PPM1E: variants seen among roughly 807,000 people sequenced by gnomAD.
PPM1E encodes protein phosphatase 1E.
Under a neutral mutation model 65.9 loss-of-function variants are expected in PPM1E, and 20 were observed. That is an observed-to-expected ratio of 0.30 (90% CI 0.21 to 0.44). The LOEUF (loss-of-function observed/expected upper bound fraction) is 0.44, where lower values mean the gene tolerates loss of function less well. Ranked by LOEUF, PPM1E falls within the 20% of genes least tolerant of loss-of-function variation. The pLI is 1.00. For missense variants in PPM1E, 713 were observed against 953.1 expected (o/e 0.75, Z 3.32); for synonymous variants, 352 against 374.9 (o/e 0.94, Z 0.70).
At chr17:58,814,901 A>C (rs779598967) in intron 1 of PPM1E, among the ~76,000 whole-genome samples, 1 of 152,238 alleles carries the variant, frequency 6.6e-6, no homozygotes, top group Non-Finnish European at 1.5e-5. Context: ...CAGGATGTGA[A>C]TGGTGAACCC....
intron 1 of PPM1E, among the ~76,000 whole-genome samples, chr17:58,858,799 C>G (rs1286921702): frequency 3.9e-5 from 6 of 152,160 alleles, no homozygotes; most frequent in Non-Finnish European, 8.8e-5. Flanking sequence ...CATGGGGGTA[C>G]AGATATCTCT....
At chr17:58,930,049 G>C (rs2051872036) in intron 1 of PPM1E, among the ~76,000 whole-genome samples, 1 of 151,994 alleles carries the variant, frequency 6.6e-6, no homozygotes, top group African/African-American at 2.4e-5. Context: ...ATACTACCCT[G>C]AACGTGCCTG....
At chr17:58,826,538 T>G (rs1249117612) in intron 1 of PPM1E, among the ~76,000 whole-genome samples, 8 of 152,194 alleles carry the variant, frequency 5.3e-5, no homozygotes, top group Non-Finnish European at 1.2e-4. Context: ...ACAATAAAAT[T>G]GTTGCTTAAT....
intron 1 of PPM1E, among the ~76,000 whole-genome samples, chr17:58,779,039 C>G (rs1395482925): frequency 6.8e-6 from 1 of 147,920 alleles, no homozygotes; most frequent in African/African-American, 2.5e-5. Context: ...TCCTTGAAAA[C>G]ATAATGTTGA....
rs192310295 is a variant in PPM1E, at chr17:58,976,344, T to C, written c.1210+3419T>C. ...TTGAGAAAATTCAAGCCTGATCAACTTGTCTTTGAAGTAGGAAATTAGGCC... is the reference window on the plus strand; with the variant it reads ...TTGAGAAAATTCAAGCCTGATCAACCTGTCTTTGAAGTAGGAAATTAGGCC... On this transcript the variant is annotated intron_variant, in intron 6 of 6. Transcript: ENST00000308249. Among the ~76,000 whole-genome samples the C allele has an allele frequency of 6.6e-5, 10 of 152,258 alleles. No individual in the cohort carries two copies. The East Asian group carries it at 1.9e-3, about 29-fold the overall frequency.
chr17:58,845,959 G>A (rs974183602), intron 1 of PPM1E, among the ~76,000 whole-genome samples: 1 of 152,162 alleles, frequency 6.6e-6, no homozygotes. Context: ...GGTATTATAC[G>A]CATGAGCCAC....
At chr17:58,783,682 G>A (rs554225485) in intron 1 of PPM1E, among the ~76,000 whole-genome samples, 48 of 152,040 alleles carry the variant, frequency 3.2e-4, no homozygotes, top group Non-Finnish European at 5.9e-4. Flanking sequence ...AGGATGCTTC[G>A]AGAGGCAGTA....
intron 1 of PPM1E, among the ~76,000 whole-genome samples, chr17:58,805,992 AAACAAAAC>A (rs2050309505): frequency 1.7e-5 from 2 of 119,088 alleles, no homozygotes; most frequent in Non-Finnish European, 3.3e-5. Context: ...AAACAAAACA[AAACAAAAC>A]AAAAAAAAAA....
chr17:58,880,270 T>C (rs902551399), intron 1 of PPM1E, among the ~76,000 whole-genome samples: 7 of 152,198 alleles, frequency 4.6e-5, no homozygotes, highest in African/African-American at 1.7e-4. Context: ...GAAAAGAGGC[T>C]AGAAGGATCT....
Position 58,931,226 on chromosome 17 carries a change from A to C in PPM1E, c.465-24423A>C, listed in dbSNP as rs182225899. Among the ~76,000 whole-genome samples, 150 of 152,260 alleles carry C rather than the reference A, an allele frequency of 9.9e-4. 2 individuals are homozygous for C. The East Asian group carries it at 0.013, about 13-fold the overall frequency. ...ACATGGAGAAACCCCATCTCTACTA[A>C]AAATACAAAATTAACCAGGCATGGT... On this transcript the variant is annotated intron_variant, in intron 1 of 6. Coordinates refer to ENST00000308249, the MANE Select transcript of PPM1E (RefSeq NM_014906.5).
At chr17:58,964,043 G>A (rs756158070) in intron 2 of PPM1E, among the ~76,000 whole-genome samples, 1 of 152,152 alleles carries the variant, frequency 6.6e-6, no homozygotes, top group Non-Finnish European at 1.5e-5. Flanking sequence ...AGAGGTAAAC[G>A]TAGTCACAGA....
At chr17:58,874,642 T>C (rs939241841) in intron 1 of PPM1E, among the ~76,000 whole-genome samples, 2 of 152,156 alleles carry the variant, frequency 1.3e-5, no homozygotes, top group African/African-American at 2.4e-5. Context: ...TATGTACTTA[T>C]GGGGTCTTTT....
In PPM1E at chr17:58,793,320, A is replaced by T. The variant is rs114100160; in HGVS notation, c.464+36859A>T. 3.0e-3 allele frequency among the ~76,000 whole-genome samples: 451 copies of T among 152,124 alleles called. 2 individuals are homozygous for T. The highest frequency in any genetic ancestry group is 0.011 in the African/African-American group (436 of 41,506). On this transcript the variant is annotated intron_variant, in intron 1 of 6. Coordinates refer to ENST00000308249, the MANE Select transcript of PPM1E (RefSeq NM_014906.5). The stretch of plus-strand genomic sequence containing the variant: ...ATAATACACTAACATCACATTTTAA[A>T]GTAATTATTAATGCCTTTGTAAAAT...
chr17:58,970,439 A>G (rs1166085537), intron 4 of PPM1E, among the ~76,000 whole-genome samples: 1 of 152,178 alleles, frequency 6.6e-6, no homozygotes, highest in Non-Finnish European at 1.5e-5. Flanking sequence ...GAATAAAAGA[A>G]TTTTTAATTT....
chr17:58,809,444 G>A (rs1229408332), intron 1 of PPM1E, among the ~76,000 whole-genome samples: 1 of 152,014 alleles, frequency 6.6e-6, no homozygotes, highest in African/African-American at 2.4e-5. Context: ...CCAGGTGGGA[G>A]TGCAGTGGCG....
At chr17:58,779,761 T>C (rs997331088) in intron 1 of PPM1E, among the ~76,000 whole-genome samples, 2 of 152,206 alleles carry the variant, frequency 1.3e-5, no homozygotes, top group Non-Finnish European at 2.9e-5. Context: ...TATCAGTTTG[T>C]TGTATATTTT....
At chr17:58,888,388 A>T in intron 1 of PPM1E, among the ~76,000 whole-genome samples, 1 of 117,742 alleles carries the variant, frequency 8.5e-6, no homozygotes, top group Non-Finnish European at 1.7e-5. Flanking sequence ...TTTTTGAGAC[A>T]GAGTCTTGTT....
chr17:58,912,253 A>G (rs1036132793), intron 1 of PPM1E, among the ~76,000 whole-genome samples: 3 of 152,184 alleles, frequency 2.0e-5, no homozygotes, highest in African/African-American at 7.2e-5. Flanking sequence ...AAGATAGTAC[A>G]AAGAAGTGAG....
At chr17:58,863,654 G>A (rs1357222544) in intron 1 of PPM1E, among the ~76,000 whole-genome samples, 1 of 152,124 alleles carries the variant, frequency 6.6e-6, no homozygotes, top group African/African-American at 2.4e-5. Context: ...AGAGGAATGA[G>A]GTCACACAGA....
Sources: allele counts gnomAD v4.1 joint callset (sites outside exome capture counted in the v4.1 genomes callset), GRCh38; gene constraint gnomAD v4.1.1; transcripts MANE v1.5; gene names NCBI Gene and HGNC (gene_info 2026-07-23, HGNC 2026-07-21).